The following KANK2 variants were observed in gnomAD, a reference collection of about 807,000 sequenced individuals.
The protein encoded by KANK2 is KN motif and ankyrin repeat domain-containing protein 2.
Under a neutral mutation model 74.6 loss-of-function variants are expected in KANK2, and 41 were observed. The ratio of observed to expected loss-of-function variants is 0.55; its 90% CI spans 0.43 to 0.71. KANK2 has a LOEUF of 0.71. Ranked by LOEUF, KANK2 falls within the 30% of genes least tolerant of loss-of-function variation. The probability of loss-of-function intolerance (pLI) is 0.00; values close to 1 mark genes in which losing one functional copy is unlikely to be tolerated. For missense variants in KANK2, 1,148 were observed against 1,196.4 expected (o/e 0.96, Z 0.60); for synonymous variants, 537 against 519.0 (o/e 1.03, Z -0.47).
chr19:11,172,095 C>G (rs1427195538), intron 10 of KANK2, among the ~76,000 whole-genome samples: 2 of 149,408 alleles, frequency 1.3e-5, no homozygotes, highest in Non-Finnish European at 3.0e-5. Flanking sequence ...CCTGCCTCAG[C>G]CTCCCGAGTG....
chr19:11,189,100 C>CA (rs1401061636), intron 4 of KANK2, among the ~76,000 whole-genome samples: 2 of 125,850 alleles, frequency 1.6e-5, no homozygotes, highest in African/African-American at 2.9e-5. Context: ...TGATTCTCTC[C>CA]CCCCCCACCC....
chr19:11,174,386 T>G, intron 9 of KANK2, 87 bp downstream of exon 9: 2 of 1,057,594 alleles, frequency 1.9e-6, no homozygotes, highest in Non-Finnish European at 1.4e-6. Context: ...CCCCATCAGA[T>G]GGGGAGGGCA....
In KANK2 at chr19:11,195,825, AACACATGGTC is replaced by A. The variant is rs1466022356; in HGVS notation, c.-278-15_-278-6del. ...CGCTTCTCTGTCTTTCAACACCTGGAACACATGGTCACCAATTGCAGGAAATTCCGTTTTC... is the reference window on the plus strand; with the variant it reads ...CGCTTCTCTGTCTTTCAACACCTGGAACCAATTGCAGGAAATTCCGTTTTC... On this transcript the variant is annotated splice_region_variant and splice_polypyrimidine_tract_variant and intron_variant, in intron 1 of 12. Transcript: ENST00000586659. 3 of 151,970 alleles carry A rather than the reference AACACATGGTC, an allele frequency of 2.0e-5. No homozygotes were observed. The highest frequency in any genetic ancestry group is 6.6e-5 in the Admixed American group (1 of 15,238). 9.4% of individuals were successfully genotyped at this position (151,970 alleles called of 1,614,324 possible).
intron 4 of KANK2, 89 bp from the exon 5 acceptor site, chr19:11,178,809 G>T: frequency 8.1e-7 from 1 of 1,237,838 alleles, no homozygotes; most frequent in Non-Finnish European, 1.1e-6. Flanking sequence ...GCCAGGAGCT[G>T]TAACAGGGCT....
Position 11,193,510 on chromosome 19 carries a change from C to T in KANK2, c.570G>A (p.Glu190=). Residue 190 remains glutamate, a synonymous_variant, in exon 4 of 13, where the codon GAG becomes GAA. Transcript: ENST00000586659. The surrounding 1 kb of genome is among the most constrained non-coding windows in gnomAD (Gnocchi z 9.6). The stretch of plus-strand genomic sequence containing the variant: ...GCTTCCGCAGGGCACCCGCCATCTG[C>T]TCCCGCACGTGGGCCAGGTGCCCGG... ...PSAGHLAHVR[E]QMAGALRKLR... The T allele has an allele frequency of 6.2e-7, 1 of 1,609,164 alleles. No individual in the cohort carries two copies. Among genetic ancestry groups the T allele is most frequent in the Non-Finnish European group, 8.5e-7 (1 of 1,179,820 alleles).
rs199529899 is a variant in KANK2 at position 11,192,791 on chromosome 19, C to G, written c.1249+40G>C. ...GCCATGGGAAGAAAGAGGCCCCCCC[C>G]CCCCAAGCCATTCTCCCCTGCCTGC... On this transcript the variant is annotated intron_variant, in intron 4 of 12. Coordinates refer to ENST00000586659, the MANE Select transcript of KANK2 (RefSeq NM_001136191.3). 1,030 of 1,582,718 alleles carry G rather than the reference C, an allele frequency of 6.5e-4. 12 individuals are homozygous for G. Among genetic ancestry groups the G allele is most frequent in the East Asian group, 4.6e-3 (200 of 43,400 alleles).
At chr19:11,191,412 G>A in intron 4 of KANK2, among the ~76,000 whole-genome samples, 1 of 152,314 alleles carries the variant, frequency 6.6e-6, no homozygotes, top group Non-Finnish European at 1.5e-5. Context: ...CTGACATTCT[G>A]CACAGCCGGC....
intron 8 of KANK2, among the ~76,000 whole-genome samples, chr19:11,175,209 T>C (rs1342430738): frequency 6.6e-6 from 1 of 151,748 alleles, no homozygotes; most frequent in Non-Finnish European, 1.5e-5. Flanking sequence ...AGCGGATCAC[T>C]TGAGGTCACG....
In KANK2 at chr19:11,165,598, G is replaced by A. The variant is rs1335581360; in HGVS notation, c.*960C>T. 6.6e-6 allele frequency: 1 copy of A among 152,058 alleles called. No homozygotes were observed. Among genetic ancestry groups the A allele is most frequent in the African/African-American group, 2.4e-5 (1 of 41,410 alleles). 9.4% of individuals were successfully genotyped at this position (152,058 alleles called of 1,614,324 possible). A position where few individuals can be genotyped will look rare whatever the true frequency, so the allele number is the denominator to read the frequency against. ...TTTTTCTTTTCTTTCTTGAGACAGGGTCTCGCTGTGTCGCCCAGGCTGAAG... is the reference window on the plus strand; with the variant it reads ...TTTTTCTTTTCTTTCTTGAGACAGGATCTCGCTGTGTCGCCCAGGCTGAAG... On this transcript the variant is annotated 3_prime_UTR_variant, in exon 13 of 13. Transcript: ENST00000586659.
intron 4 of KANK2, chr19:11,192,512 G>A (rs950126816): frequency 2.9e-6 from 1 of 341,340 alleles, no homozygotes; most frequent in Non-Finnish European, 5.6e-6. Flanking sequence ...TCAGCTCACT[G>A]CAACCTCCGC....
Position 11,166,622 on chromosome 19 carries a change from G to A in KANK2, c.2503-11C>T. On this transcript the variant is annotated splice_polypyrimidine_tract_variant and intron_variant, in intron 12 of 12. Coordinates refer to ENST00000586659, the MANE Select transcript of KANK2 (RefSeq NM_001136191.3). ...TGACATTGGGGCAAACTGAAACAGA[G>A]AAGCAGAATTCTTTTTGTTTGGGAT... 1 of 1,614,010 alleles carries A rather than the reference G, an allele frequency of 6.2e-7. No homozygotes were observed. The highest frequency in any genetic ancestry group is 1.3e-5 in the African/African-American group (1 of 75,074).
In KANK2 at chr19:11,186,812, C is replaced by CT. The variant is rs545462653; in HGVS notation, c.1249+6018dup. On this transcript the variant is annotated intron_variant, in intron 4 of 12. Transcript: ENST00000586659. ...TGTTAGGAGTGCGGATAGGGACAGC[C>CT]TTTTTTGGAAAGGATCAGACAGGAC... is the stretch of plus-strand genomic sequence containing the variant. Among the ~76,000 whole-genome samples the CT allele has an allele frequency of 1.6e-4, 24 of 152,284 alleles. No individual in the cohort carries two copies. In the South Asian group the frequency reaches 3.3e-3, roughly 21 times the overall value.
intron 4 of KANK2, among the ~76,000 whole-genome samples, chr19:11,187,673 G>A (rs192851081): frequency 1.3e-5 from 2 of 152,198 alleles, no homozygotes; most frequent in Admixed American, 6.6e-5. Flanking sequence ...AGCCACGTTC[G>A]TTCATTTCCA....
rs1289458664 is a variant in KANK2 at position 11,193,622 on chromosome 19, G to C, written c.458C>G (p.Ala153Gly). Reference protein sequence around the residue: ...TGLGSLTPSAAGSTASLVGVG... With the variant: ...TGLGSLTPSAGGSTASLVGVG... Reference sequence around the variant, plus strand: ...GCCCACCAGGGAGGCTGTCGAGCCGGCCGCACTGGGGGTCAGGGAGCCCAG... The same window carrying C: ...GCCCACCAGGGAGGCTGTCGAGCCGCCCGCACTGGGGGTCAGGGAGCCCAG... Residue 153 changes from alanine to glycine, a missense_variant, in exon 4 of 13, where the codon GCC (alanine) becomes GGC (glycine). By Grantham distance (60) the Ala-to-Gly change is moderately conservative. Coordinates refer to ENST00000586659, the MANE Select transcript of KANK2 (RefSeq NM_001136191.3). This position sits in a 1 kb window ranked among gnomAD's most constrained non-coding sequence, Gnocchi z 9.6. 8 of 1,588,694 alleles carry C rather than the reference G, an allele frequency of 5.0e-6. No homozygotes were observed. Among genetic ancestry groups the C allele is most frequent in the Non-Finnish European group, 6.8e-6 (8 of 1,168,422 alleles).
Position 11,170,173 on chromosome 19 carries a change from C to T in KANK2, c.2287G>A (p.Ala763Thr), listed in dbSNP as rs1267034433. The T allele has an allele frequency of 1.9e-6, 3 of 1,612,032 alleles. No homozygotes were observed. Among genetic ancestry groups the T allele is most frequent in the South Asian group, 1.1e-5 (1 of 91,092 alleles). The change falls in exon 11 of 13, where the codon GCA (alanine) becomes ACA (threonine). Residue 763 changes from alanine (A) to threonine (T), a missense_variant. Coordinates refer to ENST00000586659, the MANE Select transcript of KANK2 (RefSeq NM_001136191.3). The surrounding 1 kb of genome is among the most constrained non-coding windows in gnomAD (Gnocchi z 5.2). The stretch of plus-strand genomic sequence containing the variant: ...TCATCATCTTGCACGTTGACATCTG[C>T]CTCACAGGCCAGCAGGGCTTTGACA... Reference protein sequence around the residue: ...DVVKALLACEADVNVQDDDGS... With the variant: ...DVVKALLACETDVNVQDDDGS...
At chr19:11,187,442 C>G (rs1345973829) in intron 4 of KANK2, among the ~76,000 whole-genome samples, 7 of 151,216 alleles carry the variant, frequency 4.6e-5, no homozygotes, top group Non-Finnish European at 7.4e-5. Context: ...CAAGGACACT[C>G]AAATGTCTAA....
chr19:11,172,143 T>A lies in KANK2; in HGVS notation c.2211+838A>T, dbSNP rs78569667. Among the ~76,000 whole-genome samples, 50 of 151,666 alleles carry A rather than the reference T, an allele frequency of 3.3e-4. No homozygotes were observed. In the East Asian group the frequency reaches 9.3e-3, roughly 28 times the overall value. ...GGCACGTGCCACCACGCCCAGCTAATTTTTTAATTTTTTAGTAAAGGCAGG... is the reference window on the plus strand; with the variant it reads ...GGCACGTGCCACCACGCCCAGCTAAATTTTTAATTTTTTAGTAAAGGCAGG... On this transcript the variant is annotated intron_variant, in intron 10 of 12. Transcript: ENST00000586659.
chr19:11,186,258 G>A (rs1365698731), intron 4 of KANK2, among the ~76,000 whole-genome samples: 1 of 151,620 alleles, frequency 6.6e-6, no homozygotes, highest in Admixed American at 6.6e-5. Context: ...TGTGGTGGCG[G>A]GTGCCTGTAA....
intron 8 of KANK2, among the ~76,000 whole-genome samples, chr19:11,174,953 CTCTCT>C (rs924172525): frequency 4.8e-5 from 7 of 146,434 alleles, no homozygotes; most frequent in African/African-American, 1.6e-4. Flanking sequence ...ATTTCTCTCT[CTCTCT>C]TTTTTTTTTT....
Sources: allele counts gnomAD v4.1 joint callset (sites outside exome capture counted in the v4.1 genomes callset), GRCh38; gene constraint gnomAD v4.1.1; non-coding constraint Gnocchi (gnomAD v3.1); transcripts MANE v1.5; gene names NCBI Gene and HGNC (gene_info 2026-07-23, HGNC 2026-07-21).